Variants in PTPRM observed in about 807,000 individuals in gnomAD.
PTPRM encodes protein tyrosine phosphatase receptor type M, also known as receptor-type tyrosine-protein phosphatase mu.
In PTPRM, 47 loss-of-function variants were observed where a neutral mutation model predicts 186.7. The ratio of observed to expected loss-of-function variants is 0.25; its 90% CI spans 0.20 to 0.32. The LOEUF is 0.32. PTPRM is among the 10% of genes least tolerant of loss of function. The pLI is 1.00. For missense variants in PTPRM, 1,494 were observed against 1,865.0 expected (o/e 0.80, Z 3.66); for synonymous variants, 668 against 674.9 (o/e 0.99, Z 0.16).
intron 7 of PTPRM, among the ~76,000 whole-genome samples, chr18:7,973,321 A>T (rs575937926): frequency 6.6e-6 from 1 of 152,212 alleles, no homozygotes; most frequent in Non-Finnish European, 1.5e-5. Context: ...ATTACTTTCT[A>T]CAAGGCTCTA....
chr18:8,004,790 C>T (rs1188337230), intron 7 of PTPRM, among the ~76,000 whole-genome samples: 1 of 152,136 alleles, frequency 6.6e-6, no homozygotes, highest in Non-Finnish European at 1.5e-5. Context: ...TGGCTCGTGC[C>T]ACAAGTTGGA....
chr18:7,650,878 A>T (rs2038685006), intron 1 of PTPRM, among the ~76,000 whole-genome samples: 1 of 152,180 alleles, frequency 6.6e-6, no homozygotes, highest in South Asian at 2.1e-4. Flanking sequence ...ATGGATCATA[A>T]ACTCAATGTA....
intron 7 of PTPRM, among the ~76,000 whole-genome samples, chr18:8,013,531 G>T (rs994159095): frequency 7.9e-5 from 12 of 152,278 alleles, no homozygotes; most frequent in African/African-American, 2.9e-4. Flanking sequence ...CTTCATCCTG[G>T]TTGTCTTCAG....
intron 13 of PTPRM, among the ~76,000 whole-genome samples, chr18:8,141,089 G>A (rs2092756129): frequency 6.6e-6 from 1 of 152,162 alleles, no homozygotes; most frequent in Non-Finnish European, 1.5e-5. Flanking sequence ...TCCTATTTAA[G>A]GAGAGCCTAA....
chr18:7,655,835 G>A (rs2038833361), intron 1 of PTPRM, among the ~76,000 whole-genome samples: 1 of 152,110 alleles, frequency 6.6e-6, no homozygotes, highest in Non-Finnish European at 1.5e-5. Context: ...TTTCGAAAAG[G>A]CAAAACTATG....
intron 7 of PTPRM, among the ~76,000 whole-genome samples, chr18:8,066,561 G>A (rs1227218858): frequency 6.6e-6 from 1 of 152,116 alleles, no homozygotes; most frequent in African/African-American, 2.4e-5. Flanking sequence ...TATTGACCCT[G>A]CCACGTTGAT....
chr18:7,853,546 T>C (rs1189521480), intron 2 of PTPRM, among the ~76,000 whole-genome samples: 4 of 152,226 alleles, frequency 2.6e-5, no homozygotes, highest in Non-Finnish European at 5.9e-5. Context: ...CTTGCCTTGT[T>C]CTTTGGTATT....
At chr18:8,099,965 A>C (rs76284379) in intron 11 of PTPRM, among the ~76,000 whole-genome samples, 2,939 of 152,280 alleles carry the variant, frequency 0.019, 42 homozygotes, top group Non-Finnish European at 0.028. Context: ...AGCATTCTGC[A>C]GGCTTTACAG....
At chr18:8,044,299 T>C (rs1333680794) in intron 7 of PTPRM, among the ~76,000 whole-genome samples, 3 of 152,184 alleles carry the variant, frequency 2.0e-5, no homozygotes, top group Non-Finnish European at 2.9e-5. Flanking sequence ...ACCGAAGATA[T>C]TCAGTCTGTT....
intron 2 of PTPRM, among the ~76,000 whole-genome samples, chr18:7,884,204 A>C (rs1381324166): frequency 1.3e-5 from 2 of 152,170 alleles, no homozygotes; most frequent in African/African-American, 4.8e-5. Flanking sequence ...GTGGAGCTAA[A>C]GTCATCATAA....
At chr18:7,627,427 T>C (rs1181762741) in intron 1 of PTPRM, among the ~76,000 whole-genome samples, 2 of 152,180 alleles carry the variant, frequency 1.3e-5, no homozygotes, top group Non-Finnish European at 2.9e-5. Context: ...TCAGCCCTTG[T>C]ATGAGATCCT....
chr18:8,137,176 A>G (rs1415110245), intron 13 of PTPRM, among the ~76,000 whole-genome samples: 1 of 151,982 alleles, frequency 6.6e-6, no homozygotes, highest in Non-Finnish European at 1.5e-5. Flanking sequence ...TTTTCTTTTC[A>G]GCAGTTCCCA....
At chr18:7,854,383 C>G (rs2046997202) in intron 2 of PTPRM, among the ~76,000 whole-genome samples, 1 of 151,950 alleles carries the variant, frequency 6.6e-6, no homozygotes. Flanking sequence ...TGCAAAGGTT[C>G]TTAACTTATG....
intron 14 of PTPRM, among the ~76,000 whole-genome samples, chr18:8,179,764 G>A (rs970199081): frequency 3.3e-5 from 5 of 152,044 alleles, no homozygotes; most frequent in African/African-American, 7.2e-5. Context: ...CACTGTGCCC[G>A]GCCTAAATAT....
intron 32 of PTPRM, among the ~76,000 whole-genome samples, chr18:8,395,623 G>A (rs1158676609): frequency 5.3e-5 from 8 of 152,114 alleles, no homozygotes; most frequent in Non-Finnish European, 1.2e-4. Context: ...CAAGAAGCAT[G>A]GCTGTTGGTC....
intron 21 of PTPRM, among the ~76,000 whole-genome samples, 160 bp from the exon 22 acceptor site, chr18:8,319,018 A>G (rs1178880457): frequency 6.6e-6 from 1 of 152,200 alleles, no homozygotes; most frequent in Non-Finnish European, 1.5e-5. Context: ...CGCCTTCACT[A>G]ATTAAGAGAA....
At chr18:8,341,273 A>C (rs1368435151) in intron 22 of PTPRM, among the ~76,000 whole-genome samples, 4 of 152,228 alleles carry the variant, frequency 2.6e-5, no homozygotes, top group Non-Finnish European at 2.9e-5. Context: ...TTAACATAAC[A>C]CTGTCATAAT....
chr18:7,842,945 T>TAGAGAG lies in PTPRM; in HGVS notation c.197-45160_197-45159insGAGAGA, dbSNP rs1230883241. ...GTGTGTGTGTGTATATATATATATA[T>TAGAGAG]ATAGAGAGAGAGAGAGAGAGAGAGA... On this transcript the variant is annotated intron_variant, in intron 2 of 32. Transcript: ENST00000580170. Among the ~76,000 whole-genome samples, 15 of 115,126 alleles carry TAGAGAG rather than the reference T, an allele frequency of 1.3e-4. No homozygotes were observed. The East Asian group carries it at 2.2e-3, about 17-fold the overall frequency. 75.5% of individuals were successfully genotyped at this position (115,126 alleles called of 152,430 possible). A position where few individuals can be genotyped will look rare whatever the true frequency, so the allele number is the denominator to read the frequency against.
intron 11 of PTPRM, among the ~76,000 whole-genome samples, chr18:8,090,894 C>T (rs1213798137): frequency 1.3e-5 from 2 of 152,124 alleles, no homozygotes; most frequent in South Asian, 2.1e-4. Flanking sequence ...CATGCCTGGC[C>T]AAGACTAAAT....
Sources: allele counts gnomAD v4.1 joint callset (sites outside exome capture counted in the v4.1 genomes callset), GRCh38; gene constraint gnomAD v4.1.1; transcripts MANE v1.5; gene names NCBI Gene and HGNC (gene_info 2026-07-23, HGNC 2026-07-21).